Variants in CPNE1 observed in about 807,000 individuals in gnomAD.
CPNE1 encodes copine-1.
A neutral mutation model predicts 63.2 loss-of-function variants in CPNE1; 58 were observed. That is an observed-to-expected ratio of 0.92 (90% confidence interval 0.74 to 1.14). The LOEUF is 1.14. CPNE1 is among the 50% of genes most tolerant of loss of function. The pLI is 0.00. For missense variants in CPNE1, 672 were observed against 661.7 expected (o/e 1.02, Z -0.17); for synonymous variants, 237 against 249.0 (o/e 0.95, Z 0.45).
At chr20:35,652,326 T>C (rs1013032310) in intron 1 of CPNE1, 2 of 590,312 alleles carry the variant, frequency 3.4e-6, no homozygotes, top group African/African-American at 3.7e-5. Context: ...CCAGATAGCT[T>C]TACTGTAACA....
At chr20:35,647,093 C>T (rs1313105050) in intron 1 of CPNE1, among the ~76,000 whole-genome samples, 1 of 151,486 alleles carries the variant, frequency 6.6e-6, no homozygotes, top group African/African-American at 2.4e-5. Flanking sequence ...GGTGGATCAC[C>T]TGAGGTCAGG....
chr20:35,647,581 G>A (rs1231957377), intron 1 of CPNE1, among the ~76,000 whole-genome samples: 1 of 151,998 alleles, frequency 6.6e-6, no homozygotes, highest in Non-Finnish European at 1.5e-5. Flanking sequence ...ATGTCAGGTG[G>A]CTTTTTCCTC....
intron 1 of CPNE1, among the ~76,000 whole-genome samples, chr20:35,655,996 T>C (rs2033877416): frequency 6.6e-6 from 1 of 152,212 alleles, no homozygotes; most frequent in Non-Finnish European, 1.5e-5. Context: ...TATGGAATTA[T>C]TTATTATAAA....
chr20:35,659,477 A>G (rs1828968818), intron 1 of CPNE1, among the ~76,000 whole-genome samples: 1 of 152,236 alleles, frequency 6.6e-6, no homozygotes, highest in African/African-American at 2.4e-5. Flanking sequence ...CATGGAAATT[A>G]CTGCAATTAT....
intron 14 of CPNE1, 56 bp downstream of exon 14, chr20:35,627,224 A>G: frequency 7.4e-7 from 1 of 1,360,478 alleles, no homozygotes; most frequent in East Asian, 2.4e-5. Context: ...TTTGTTCCAT[A>G]ACCCTCAAGG....
At position 35,630,763 on chromosome 20, in the gene CPNE1, GC is replaced by G; in HGVS notation, c.1027del (p.Ala343ProfsTer15). On this transcript the variant is annotated frameshift_variant, in exon 12 of 16. Coordinates refer to ENST00000397443, the MANE Select transcript of CPNE1 (RefSeq NM_152925.3). LOFTEE classifies it high-confidence loss of function. ...CACCTGCCAGTCAGGGGGAACCTGG[GC>G]CCCAAATCCAAATGCAGGGAACAGC... ...DKLFPAFGFG[A>X]QVPPDWQVSH... 3.7e-6 allele frequency: 6 copies of G among 1,613,942 alleles called. No homozygotes were observed. The highest frequency in any genetic ancestry group is 5.1e-6 in the Non-Finnish European group (6 of 1,179,924).
In CPNE1 at chr20:35,648,332, A is replaced by G. The variant is rs905181702; in HGVS notation, c.1-15409T>C. On this transcript the variant is annotated intron_variant, in intron 1 of 15. Coordinates refer to ENST00000397443, the MANE Select transcript of CPNE1 (RefSeq NM_152925.3). ...GTAAAAGCTCTACTTTTGGGAGATT[A>G]GTGATGATGCACATAGTTGATAAAC... Among the ~76,000 whole-genome samples the G allele has an allele frequency of 2.0e-5, 3 of 152,374 alleles. No homozygotes were observed. In the East Asian group the frequency reaches 5.8e-4, roughly 29 times the overall value.
intron 1 of CPNE1, among the ~76,000 whole-genome samples, chr20:35,656,639 ATTCTCCTGCCTC>A (rs1294795632): frequency 2.6e-5 from 4 of 152,150 alleles, no homozygotes; most frequent in Non-Finnish European, 4.4e-5. Flanking sequence ...GGTTCAAGTA[ATTCTCCTGCCTC>A]AGCCTCCCAA....
chr20:35,659,137 TC>T (rs1334695696), intron 1 of CPNE1: 63 of 256,566 alleles, frequency 2.5e-4, no homozygotes, highest in Middle Eastern at 9.8e-4. Context: ...AGAATGCATA[TC>T]AAAAAAAAAA....
intron 1 of CPNE1, among the ~76,000 whole-genome samples, chr20:35,658,489 G>A (rs1176762445): frequency 6.6e-6 from 1 of 152,128 alleles, no homozygotes; most frequent in African/African-American, 2.4e-5. Flanking sequence ...CGGCCTGGGT[G>A]GCGGCTCATG....
chr20:35,654,668 G>C, intron 1 of CPNE1: 1 of 1,613,630 alleles, frequency 6.2e-7, no homozygotes, highest in Admixed American at 1.7e-5. Flanking sequence ...GGAGGCACAG[G>C]AGGCAATGTA....
chr20:35,664,498 CCT>C (rs1248557749), intron 1 of CPNE1: 2 of 152,316 alleles, frequency 1.3e-5, no homozygotes, highest in Admixed American at 6.5e-5. Flanking sequence ...TGGCCTGCCC[CCT>C]CTCAGACCAC....
intron 11 of CPNE1, 41 bp downstream of exon 11, chr20:35,630,860 T>G (rs780884956): frequency 3.7e-6 from 6 of 1,603,950 alleles, no homozygotes; most frequent in Non-Finnish European, 5.1e-6. Context: ...GGCTGAAGCA[T>G]CTGCAGGGAG....
At chr20:35,627,256 G>A in intron 14 of CPNE1, 24 bp downstream of exon 14, 1 of 1,580,454 alleles carries the variant, frequency 6.3e-7, no homozygotes, top group South Asian at 1.1e-5. Context: ...TGCCACCACT[G>A]CCACTGCCAC....
chr20:35,626,584 A>T lies in CPNE1; in HGVS notation c.1456T>A (p.Tyr486Asn). Residue 486 changes from tyrosine (Y) to asparagine (N), a missense_variant, in exon 15 of 16, where the codon TAC (tyrosine) becomes AAC (asparagine). Transcript: ENST00000397443. ...AARDIVQFVP[Y>N]RRFQNAPREA... ...CTACTCACATTCTGGAACCGGCGGT[A>T]GGGTACAAACTGCACAATGTCGCGG... 1.2e-6 allele frequency: 2 copies of T among 1,614,168 alleles called. No homozygotes were observed.
chr20:35,645,753 C>T (rs934676275), intron 1 of CPNE1, among the ~76,000 whole-genome samples: 2 of 152,168 alleles, frequency 1.3e-5, no homozygotes, highest in Non-Finnish European at 2.9e-5. Flanking sequence ...AGAGTTACAG[C>T]ACAGGGACCC....
chr20:35,659,868 G>C (rs1374489982), intron 1 of CPNE1, among the ~76,000 whole-genome samples: 1 of 151,646 alleles, frequency 6.6e-6, no homozygotes, highest in African/African-American at 2.4e-5. Flanking sequence ...TTTTTCAAAG[G>C]TCATGTTTTA....
At chr20:35,642,613 T>G (rs2032877696) in intron 1 of CPNE1, among the ~76,000 whole-genome samples, 1 of 152,188 alleles carries the variant, frequency 6.6e-6, no homozygotes, top group Non-Finnish European at 1.5e-5. Flanking sequence ...ATGGAGAAGG[T>G]AGACAAGTTT....
intron 1 of CPNE1, among the ~76,000 whole-genome samples, chr20:35,639,384 T>C (rs2032674385): frequency 6.6e-6 from 1 of 152,324 alleles, no homozygotes; most frequent in African/African-American, 2.4e-5. Flanking sequence ...TTGCCCAGGC[T>C]GGAGTGCAAT....
Sources: gnomAD v4.1 joint callset for allele counts (sites outside exome capture counted in the v4.1 genomes callset) on GRCh38, gnomAD v4.1.1 for gene constraint, MANE v1.5 for transcripts, NCBI Gene and HGNC (gene_info 2026-07-23, HGNC 2026-07-21) for gene names.